Variants in SLTM observed in about 807,000 individuals in gnomAD.
SLTM encodes the protein SAFB like transcription modulator.
A neutral mutation model predicts 134.6 loss-of-function variants in SLTM; 43 were observed. The observed-to-expected ratio is 0.32, with a 90% CI of 0.25 to 0.41. The LOEUF is 0.41. Ranked by LOEUF, SLTM falls within the 10% of genes least tolerant of loss-of-function variation. SLTM has a pLI of 1.00. For missense variants in SLTM, 1,055 were observed against 1,288.8 expected, an observed-to-expected ratio of 0.82 and a Z score of 2.78; for synonymous variants, 424 against 432.3, an observed-to-expected ratio of 0.98 and a Z score of 0.24.
chr15:58,917,072 C>T, intron 2 of SLTM, 73 bp from the exon 3 acceptor site: 1 of 1,360,324 alleles, frequency 7.4e-7, no homozygotes, highest in Admixed American at 1.7e-5. Flanking sequence ...CAGAGTTTAC[C>T]CTGCAATAGC....
At position 58,933,417 on chromosome 15, in the gene SLTM, G is replaced by C. The variant is rs776066554; in HGVS notation, c.149C>G (p.Ser50Cys). The C allele has an allele frequency of 2.5e-5, 40 of 1,580,388 alleles. No homozygotes were observed. Among genetic ancestry groups the C allele is most frequent in the Admixed American group, 7.1e-5 (4 of 56,366 alleles). The change falls in exon 1 of 21, where the codon TCC becomes TGC. Residue 50 changes from serine (S) to cysteine (C), a missense_variant. By Grantham distance (112) the Ser-to-Cys change is moderately radical. Around this residue, in one of 3 missense-constraint regions of SLTM, gnomAD observed 268 missense variants for 284.3 expected, o/e 0.94. Coordinates refer to ENST00000380516, the MANE Select transcript of SLTM (RefSeq NM_024755.4). ...GCCGGGCCTCACCTGCTTGAGTCGG[G>C]AGATGAGCACGGTCTTGACTCCGGT... Reference protein sequence around the residue: ...DITGVKTVLISRLKQAIEEEG... With the variant: ...DITGVKTVLICRLKQAIEEEG...
rs779770588 is a variant in SLTM at position 58,886,972 on chromosome 15, T to TA, written c.2835+2dup. 8 of 1,612,246 alleles carry TA rather than the reference T, an allele frequency of 5.0e-6. No homozygotes were observed. The highest frequency in any genetic ancestry group is 4.4e-5 in the South Asian group (4 of 90,996). ...CTCGCGGCAAGCCTCCCGCAGCACT[T>TA]ACCTGTGATCCACCTCCTCGGTCTG... On this transcript the variant is annotated splice_region_variant and intron_variant, in intron 19 of 20. Transcript: ENST00000380516.
intron 2 of SLTM, among the ~76,000 whole-genome samples, chr15:58,918,087 T>TA (rs35486877): frequency 9.3e-4 from 128 of 137,382 alleles, no homozygotes; most frequent in South Asian, 9.2e-4. Context: ...TTTTCCACAT[T>TA]AAAAAAAAAA....
At chr15:58,894,307 A>G (rs2034901554) in intron 10 of SLTM, 114 bp from the exon 11 acceptor site, 1 of 1,434,052 alleles carries the variant, frequency 7.0e-7, no homozygotes, top group Non-Finnish European at 9.6e-7. Flanking sequence ...TAAGGAGAGT[A>G]AAAACTACAA....
chr15:58,898,864 A>C lies in SLTM; in HGVS notation c.1059-12T>G. 6.2e-7 allele frequency: 1 copy of C among 1,602,840 alleles called. No homozygotes were observed. The highest frequency in any genetic ancestry group is 1.1e-5 in the South Asian group (1 of 88,788). Reference sequence around the variant, plus strand: ...ATTCCTTTGAAGAGCTAAAGAGGCAAATCACCAGAAGAAAATTGAAAACAA... The same window carrying C: ...ATTCCTTTGAAGAGCTAAAGAGGCACATCACCAGAAGAAAATTGAAAACAA... On this transcript the variant is annotated splice_polypyrimidine_tract_variant and intron_variant, in intron 7 of 20. Coordinates refer to ENST00000380516, the MANE Select transcript of SLTM (RefSeq NM_024755.4).
intron 3 of SLTM, among the ~76,000 whole-genome samples, chr15:58,915,310 T>C (rs1284764352): frequency 6.6e-6 from 1 of 152,214 alleles, no homozygotes; most frequent in Non-Finnish European, 1.5e-5. Context: ...GTGGCACATA[T>C]AAGAGACAGT....
rs1331944146 is a variant in SLTM, at chr15:58,889,481, T to C, written c.2153A>G (p.Tyr718Cys). ...ELRRQQQQLRYEQEKRNSLKR... is the reference protein window; with the variant it reads ...ELRRQQQQLRCEQEKRNSLKR... ...CAAGGAATTCCTTTTTTCTTGTTCA[T>C]AACGAAGCTGCTGTTGTTGCCTTCT... is the stretch of plus-strand genomic sequence containing the variant. The change falls in exon 16 of 21, where the codon TAT becomes TGT. Residue 718 changes from tyrosine to cysteine, a missense_variant. Transcript: ENST00000380516. The C allele has an allele frequency of 6.8e-6, 11 of 1,614,140 alleles. No individual in the cohort carries two copies. The highest frequency in any genetic ancestry group is 8.5e-6 in the Non-Finnish European group (10 of 1,179,956).
chr15:58,911,975 A>G (rs2036303413), intron 5 of SLTM, among the ~76,000 whole-genome samples: 1 of 152,206 alleles, frequency 6.6e-6, no homozygotes, highest in African/African-American at 2.4e-5. Flanking sequence ...AGACTTCTCA[A>G]AAGACTAGTA....
intron 12 of SLTM, 28 bp downstream of exon 12, chr15:58,893,793 A>G: frequency 6.3e-7 from 1 of 1,579,744 alleles, no homozygotes; most frequent in Non-Finnish European, 8.6e-7. Context: ...AATGCATTAG[A>G]AAGGGATTGA....
At chr15:58,909,112 A>G (rs2036079927) in intron 5 of SLTM, among the ~76,000 whole-genome samples, 1 of 152,202 alleles carries the variant, frequency 6.6e-6, no homozygotes, top group African/African-American at 2.4e-5. Flanking sequence ...TTACCACTAT[A>G]AAGAAGAAAT....
intron 14 of SLTM, 35 bp downstream of exon 14, chr15:58,892,862 T>G (rs770711693): frequency 6.3e-7 from 1 of 1,590,600 alleles, no homozygotes; most frequent in Non-Finnish European, 8.5e-7. Context: ...TTTACCTATA[T>G]TTAAAGACAG....
intron 9 of SLTM, 124 bp from the exon 10 acceptor site, chr15:58,894,706 T>TG (rs1491287746): frequency 9.1e-6 from 2 of 220,886 alleles, no homozygotes; most frequent in Non-Finnish European, 1.1e-5. Context: ...CTGTCTCATG[T>TG]TTTTTTTTTT....
intron 5 of SLTM, among the ~76,000 whole-genome samples, chr15:58,902,347 C>T (rs1180043443): frequency 6.6e-6 from 1 of 151,686 alleles, no homozygotes; most frequent in South Asian, 2.1e-4. Flanking sequence ...GCTGGGATTA[C>T]AGATGCAAAC....
At chr15:58,926,172 T>G (rs2037451455) in intron 2 of SLTM, among the ~76,000 whole-genome samples, 1 of 152,180 alleles carries the variant, frequency 6.6e-6, no homozygotes, top group Non-Finnish European at 1.5e-5. Flanking sequence ...TTCAAATGAC[T>G]AACGCAGAGT....
chr15:58,913,631 T>C lies in SLTM; in HGVS notation c.381A>G (p.Glu127=). 6.2e-7 allele frequency: 1 copy of C among 1,613,706 alleles called. No individual in the cohort carries two copies. Among genetic ancestry groups the C allele is most frequent in the Non-Finnish European group, 8.5e-7 (1 of 1,179,856 alleles). Residue 127 remains glutamate (E), a synonymous_variant, in exon 4 of 21, where the codon GAA becomes GAG. Coordinates refer to ENST00000380516, the MANE Select transcript of SLTM (RefSeq NM_024755.4). The stretch of plus-strand genomic sequence containing the variant: ...TTTCTTCTTCATTTTCACCAAATTC[T>C]TCAGAGTCCTTTAGTTCATCATTTC... The part of the protein sequence containing the change: ...QDGNDELKDS[E]EFGENEEENV...
intron 2 of SLTM, among the ~76,000 whole-genome samples, chr15:58,928,768 A>G (rs1288937699): frequency 1.3e-5 from 2 of 152,172 alleles, no homozygotes; most frequent in Non-Finnish European, 2.9e-5. Context: ...ATATTGTCAT[A>G]AGAATCATTT....
In SLTM at chr15:58,899,343, ATAT is replaced by A. The variant is rs2035313850; in HGVS notation, c.1058+123_1058+125del. On this transcript the variant is annotated intron_variant, in intron 7 of 20. Transcript: ENST00000380516. The surrounding 1 kb of genome is among the most constrained non-coding windows in gnomAD (Gnocchi z 5.0). ...TAAAAGTAACTTATGACGGTCAAAA[ATAT>A]TATAGGCAGGATCATAAGACACTAA... The A allele has an allele frequency of 2.1e-5, 16 of 769,500 alleles. No individual in the cohort carries two copies. The highest frequency in any genetic ancestry group is 2.4e-4 in the Middle Eastern group (1 of 4,188). The allele number at this position is 769,500 out of a possible 1,614,324, so 47.7% of individuals were successfully genotyped here.
intron 3 of SLTM, among the ~76,000 whole-genome samples, chr15:58,916,381 C>T (rs148286896): frequency 3.0e-4 from 45 of 152,246 alleles, no homozygotes; most frequent in Admixed American, 5.9e-4. Flanking sequence ...ACTATGTTGG[C>T]CAGGCTGGTC....
At position 58,894,099 on chromosome 15, in the gene SLTM, C is replaced by T. The variant is rs1408524579; in HGVS notation, c.1472G>A (p.Arg491Lys). The change falls in exon 11 of 21, where the codon AGA (arginine) becomes AAA (lysine). Residue 491 changes from arginine to lysine, a missense_variant. Arg to Lys is a conservative substitution (Grantham distance 26, BLOSUM62 2). This residue lies in a region of SLTM where 776 missense variants were observed against 962.2 expected (regional missense o/e 0.81). Coordinates refer to ENST00000380516, the MANE Select transcript of SLTM (RefSeq NM_024755.4). ...AAAAATAAATCCTTACTTGCTACTT[C>T]TATCACTCGTATTTTTTTTATCTCC... Reference protein sequence around the residue: ...SSGDKKNTSDRSSKTQASVKK... With the variant: ...SSGDKKNTSDKSSKTQASVKK... 1.9e-6 allele frequency: 3 copies of T among 1,602,124 alleles called. No individual in the cohort carries two copies. The highest frequency in any genetic ancestry group is 2.2e-5 in the East Asian group (1 of 44,778).
Sources: gnomAD v4.1 joint callset for allele counts (sites outside exome capture counted in the v4.1 genomes callset) on GRCh38, gnomAD v4.1.1 for gene constraint, gnomAD v4.1.1 regional missense constraint, Gnocchi (gnomAD v3.1) non-coding constraint, MANE v1.5 for transcripts, NCBI Gene and HGNC (gene_info 2026-07-23, HGNC 2026-07-21) for gene names.